Variants in VTI1A observed in about 807,000 individuals in gnomAD.
The protein encoded by VTI1A is vesicle transport through interaction with t-SNAREs 1A.
Under a neutral mutation model 34.9 loss-of-function variants are expected in VTI1A, and 22 were observed. That is an observed-to-expected ratio of 0.63 (90% CI 0.45 to 0.90). VTI1A has a LOEUF of 0.90. Ranked by LOEUF, VTI1A falls within the 40% of genes least tolerant of loss-of-function variation. The pLI is 0.00. For missense variants in VTI1A, 268 were observed against 275.6 expected, an observed-to-expected ratio of 0.97 and a Z score of 0.20; for synonymous variants, 87 against 97.3, an observed-to-expected ratio of 0.89 and a Z score of 0.62.
At chr10:112,673,030 G>A (rs1847904488) in intron 7 of VTI1A, among the ~76,000 whole-genome samples, 1 of 152,022 alleles carries the variant, frequency 6.6e-6, no homozygotes, top group Non-Finnish European at 1.5e-5. Flanking sequence ...AAAAAAAATG[G>A]CATAAGCCAG....
At chr10:112,447,018 T>TC, upstream of VTI1A, 2 of 297,796 alleles carry the variant, frequency 6.7e-6, no homozygotes, top group Non-Finnish European at 1.3e-5. Flanking sequence ...AGCGTGTGGA[T>TC]CCGGAGCCGA....
At chr10:112,709,603 C>T (rs1298275551) in intron 7 of VTI1A, among the ~76,000 whole-genome samples, 1 of 151,544 alleles carries the variant, frequency 6.6e-6, no homozygotes, top group African/African-American at 2.4e-5. Flanking sequence ...TCTTTCAGTT[C>T]CCTGTCTTCA....
the VTI1A span, among the ~76,000 whole-genome samples, chr10:112,831,010 C>A: frequency 6.6e-6 from 1 of 150,592 alleles, no homozygotes; most frequent in East Asian, 2.0e-4. Flanking sequence ...CCACCATGCC[C>A]GGCTAATTTT....
intron 5 of VTI1A, among the ~76,000 whole-genome samples, chr10:112,594,006 T>A (rs1219634952): frequency 6.6e-6 from 1 of 151,824 alleles, no homozygotes; most frequent in East Asian, 1.9e-4. Context: ...GTCTCCCGGG[T>A]TCCCGCCATT....
chr10:112,751,041 T>C (rs1442051542), intron 7 of VTI1A, among the ~76,000 whole-genome samples: 2 of 152,162 alleles, frequency 1.3e-5, no homozygotes, highest in East Asian at 3.8e-4. Flanking sequence ...TGTGTTTTGT[T>C]CTCTTCCTTT....
At chr10:112,699,990 G>T (rs1848942817) in intron 7 of VTI1A, among the ~76,000 whole-genome samples, 1 of 148,932 alleles carries the variant, frequency 6.7e-6, no homozygotes, top group Non-Finnish European at 1.5e-5. Flanking sequence ...ATGGTGGCGG[G>T]CACCTGTAAT....
chr10:112,551,592 G>A (rs1326877602), intron 5 of VTI1A, among the ~76,000 whole-genome samples: 1 of 152,188 alleles, frequency 6.6e-6, no homozygotes, highest in Non-Finnish European at 1.5e-5. Flanking sequence ...GTCCTTGGCT[G>A]TTATATAAAT....
At chr10:112,741,442 T>C (rs993610101) in intron 7 of VTI1A, among the ~76,000 whole-genome samples, 1 of 152,082 alleles carries the variant, frequency 6.6e-6, no homozygotes, top group African/African-American at 2.4e-5. Context: ...TCTCAAAAAC[T>C]AAAAAACAAA....
chr10:112,792,330 TC>T (rs1366261931), intron 7 of VTI1A, among the ~76,000 whole-genome samples: 1 of 151,992 alleles, frequency 6.6e-6, no homozygotes, highest in African/African-American at 2.4e-5. Flanking sequence ...GTCTTAGAAG[TC>T]CCCCAGTCCT....
chr10:112,713,927 C>G (rs1243402510), intron 7 of VTI1A, among the ~76,000 whole-genome samples: 2 of 152,072 alleles, frequency 1.3e-5, no homozygotes, highest in Non-Finnish European at 2.9e-5. Flanking sequence ...TACACTAGAC[C>G]ATAGGCAAGA....
chr10:112,464,517 T>G (rs750571085), intron 2 of VTI1A, 30 bp from the exon 3 acceptor site: 1 of 1,573,766 alleles, frequency 6.4e-7, no homozygotes, highest in Non-Finnish European at 8.7e-7. Flanking sequence ...ACAGTGTGTT[T>G]TAAATCACAT....
intron 7 of VTI1A, among the ~76,000 whole-genome samples, chr10:112,730,370 G>T (rs1850204643): frequency 6.6e-6 from 1 of 152,142 alleles, no homozygotes; most frequent in South Asian, 2.1e-4. Flanking sequence ...TAAAGTTGAA[G>T]TCCCTGCCAA....
At chr10:112,553,254 G>A (rs990822250) in intron 5 of VTI1A, among the ~76,000 whole-genome samples, 3 of 152,178 alleles carry the variant, frequency 2.0e-5, no homozygotes, top group Admixed American at 6.5e-5. Flanking sequence ...GCTTTGCTAC[G>A]AGACAGACTC....
chr10:112,682,667 C>A (rs374255769), intron 7 of VTI1A, among the ~76,000 whole-genome samples: 1 of 152,166 alleles, frequency 6.6e-6, no homozygotes, highest in Non-Finnish European at 1.5e-5. Context: ...AACTCTGGGG[C>A]GACTGGATCC....
intron 1 of VTI1A, chr10:112,450,106 T>A (rs1399943181): frequency 6.6e-6 from 1 of 152,114 alleles, no homozygotes; most frequent in Non-Finnish European, 1.5e-5. Context: ...TGCCCAGGCT[T>A]GTCTCAAACT....
At chr10:112,559,080 A>G (rs1851631584) in intron 5 of VTI1A, among the ~76,000 whole-genome samples, 1 of 152,192 alleles carries the variant, frequency 6.6e-6, no homozygotes, top group Admixed American at 6.5e-5. Flanking sequence ...ATCCACCATC[A>G]GCTTAGGAAC....
intron 3 of VTI1A, among the ~76,000 whole-genome samples, chr10:112,472,563 C>G (rs1848130172): frequency 6.7e-6 from 1 of 148,540 alleles, no homozygotes; most frequent in Non-Finnish European, 1.5e-5. Context: ...TCGAGATAGA[C>G]TAAAGAAGTT....
At chr10:112,656,407 T>A (rs199758584) in intron 5 of VTI1A, among the ~76,000 whole-genome samples, 5 of 96,120 alleles carry the variant, frequency 5.2e-5, no homozygotes, top group Non-Finnish European at 1.1e-4. Flanking sequence ...TTTTTTTTTT[T>A]AAACAGGGTC....
At chr10:112,499,644 T>C (rs775698344) in intron 3 of VTI1A, among the ~76,000 whole-genome samples, 1 of 152,242 alleles carries the variant, frequency 6.6e-6, no homozygotes, top group African/African-American at 2.4e-5. Flanking sequence ...TTATCTTTTC[T>C]CCAAAACCTG....
Sources: gnomAD v4.1 joint callset for allele counts (sites outside exome capture counted in the v4.1 genomes callset) on GRCh38, gnomAD v4.1.1 for gene constraint, MANE v1.5 for transcripts, NCBI Gene and HGNC (gene_info 2026-07-23, HGNC 2026-07-21) for gene names.